STK39: variants seen among roughly 807,000 people sequenced by gnomAD.
STK39 encodes the protein STE20/SPS1-related proline-alanine-rich protein kinase.
Under a neutral mutation model 77.8 loss-of-function variants are expected in STK39, and 20 were observed. The ratio of observed to expected loss-of-function variants is 0.26; its 90% confidence interval spans 0.18 to 0.37. The LOEUF is 0.37. Among genes scored for constraint, STK39 ranks in the 10% least tolerant of loss-of-function variants. The probability of loss-of-function intolerance (pLI) is 1.00; values close to 1 mark genes in which losing one functional copy is unlikely to be tolerated. For synonymous variants in STK39, 246 were observed against 234.1 expected, an observed-to-expected ratio of 1.05 and a Z score of -0.47; for missense variants, 479 against 656.5, an observed-to-expected ratio of 0.73 and a Z score of 2.95.
At chr2:167,968,967 G>A (rs1429822661) in intron 16 of STK39, among the ~76,000 whole-genome samples, 1 of 152,156 alleles carries the variant, frequency 6.6e-6, no homozygotes, top group African/African-American at 2.4e-5. Context: ...CAGTGTATAA[G>A]AACCTGAATT....
chr2:168,182,200 T>G (rs1209169379), intron 1 of STK39, 110 bp from the exon 2 acceptor site: 14 of 732,470 alleles, frequency 1.9e-5, no homozygotes, highest in Non-Finnish European at 2.3e-6. Flanking sequence ...CTCAGCGTAT[T>G]CAGAACATTA....
chr2:168,119,521 C>G (rs183943027), intron 10 of STK39, among the ~76,000 whole-genome samples: 84 of 152,302 alleles, frequency 5.5e-4, no homozygotes, highest in African/African-American at 1.9e-3. Flanking sequence ...GTTAAACCAT[C>G]ACCCTTCAAT....
At chr2:168,143,620 G>A (rs978076002) in intron 5 of STK39, among the ~76,000 whole-genome samples, 74 of 152,198 alleles carry the variant, frequency 4.9e-4, no homozygotes, top group African/African-American at 1.3e-3. Flanking sequence ...AGGCTGAGGC[G>A]GGGGAATCGC....
intron 16 of STK39, among the ~76,000 whole-genome samples, chr2:167,983,453 CAAAAAA>C (rs761596679): frequency 2.2e-5 from 2 of 92,198 alleles, no homozygotes; most frequent in Admixed American, 1.2e-4. Flanking sequence ...AAACTCCATC[CAAAAAA>C]AAAAAAAAAA....
chr2:168,097,337 T>C (rs1393831451), intron 10 of STK39, among the ~76,000 whole-genome samples: 1 of 152,196 alleles, frequency 6.6e-6, no homozygotes, highest in Non-Finnish European at 1.5e-5. Flanking sequence ...CCCACCTCAT[T>C]TAGGTTCTAC....
At chr2:168,006,381 T>C (rs907972019) in intron 16 of STK39, among the ~76,000 whole-genome samples, 1 of 152,232 alleles carries the variant, frequency 6.6e-6, no homozygotes, top group African/African-American at 2.4e-5. Flanking sequence ...TCACAAAGTC[T>C]GGAGAGAACT....
At chr2:168,216,435 T>C (rs1690026250) in intron 1 of STK39, among the ~76,000 whole-genome samples, 1 of 152,230 alleles carries the variant, frequency 6.6e-6, no homozygotes, top group Non-Finnish European at 1.5e-5. Flanking sequence ...TTTCCTAATT[T>C]ACGACTTAGC....
intron 1 of STK39, among the ~76,000 whole-genome samples, chr2:168,236,025 G>A (rs1372464371): frequency 1.2e-4 from 18 of 151,878 alleles, no homozygotes; most frequent in African/African-American, 3.9e-4. Flanking sequence ...CTGAGGAATC[G>A]CCACACTGAC....
chr2:168,198,352 G>A (rs1689527004), intron 1 of STK39, among the ~76,000 whole-genome samples: 1 of 152,022 alleles, frequency 6.6e-6, no homozygotes, highest in Non-Finnish European at 1.5e-5. Flanking sequence ...CCCTAAGACT[G>A]AGCACTTGAA....
chr2:167,981,883 G>T (rs919888052), intron 16 of STK39, among the ~76,000 whole-genome samples: 2 of 152,182 alleles, frequency 1.3e-5, no homozygotes, highest in African/African-American at 4.8e-5. Flanking sequence ...CTCCTTGAAA[G>T]ACAACCTAGA....
At chr2:168,174,832 T>TAAAA (rs397869438) in intron 2 of STK39, among the ~76,000 whole-genome samples, 5 of 112,664 alleles carry the variant, frequency 4.4e-5, no homozygotes, top group East Asian at 4.9e-4. Context: ...CTTCATCTCT[T>TAAAA]AAAAAAAAAA....
At chr2:168,164,009 G>T in intron 3 of STK39, 129 bp from the exon 4 acceptor site, 2 of 1,337,788 alleles carry the variant, frequency 1.5e-6, no homozygotes, top group African/African-American at 1.5e-5. Flanking sequence ...TATTCCCAAG[G>T]CAAACAAACA....
intron 1 of STK39, among the ~76,000 whole-genome samples, chr2:168,217,390 T>C (rs1307396340): frequency 1.3e-5 from 2 of 152,230 alleles, no homozygotes; most frequent in Non-Finnish European, 2.9e-5. Context: ...ACTCTGTTTC[T>C]TTATCGTAAC....
chr2:168,228,900 A>G (rs1241982661), intron 1 of STK39, among the ~76,000 whole-genome samples: 2 of 152,204 alleles, frequency 1.3e-5, no homozygotes, highest in African/African-American at 2.4e-5. Context: ...GGCCAGCCAC[A>G]GGAAGGACAC....
At chr2:168,043,445 C>T (rs961932882) in intron 14 of STK39, among the ~76,000 whole-genome samples, 1 of 152,114 alleles carries the variant, frequency 6.6e-6, no homozygotes, top group African/African-American at 2.4e-5. Flanking sequence ...AAAAGGCAAA[C>T]AAACAACCCC....
At chr2:168,200,823 A>G (rs567935937) in intron 1 of STK39, among the ~76,000 whole-genome samples, 11 of 152,288 alleles carry the variant, frequency 7.2e-5, no homozygotes, top group African/African-American at 2.2e-4. Context: ...AAAGAATTAT[A>G]TGGTCTTTAG....
rs143275535 is a variant in STK39 at position 168,202,049 on chromosome 2, C to T, written c.209-19959G>A. 4.5e-3 allele frequency among the ~76,000 whole-genome samples: 688 copies of T among 152,298 alleles called. 13 individuals carry two copies. The highest frequency in any genetic ancestry group is 3.7e-3 in the East Asian group (19 of 5,186). ...GGGCTTCCTGAGAAGTTTGGGCCCC[C>T]CGCCCCCGCTACATGCTCACCTGGT... On this transcript the variant is annotated intron_variant, in intron 1 of 17. Coordinates refer to ENST00000355999, the MANE Select transcript of STK39 (RefSeq NM_013233.3).
chr2:168,043,338 A>T (rs1391921009), intron 14 of STK39, among the ~76,000 whole-genome samples: 1 of 152,206 alleles, frequency 6.6e-6, no homozygotes, highest in Non-Finnish European at 1.5e-5. Flanking sequence ...AATAACTAAT[A>T]GAGGCAAGTA....
intron 14 of STK39, among the ~76,000 whole-genome samples, chr2:168,059,087 G>A (rs552947102): frequency 3.7e-4 from 57 of 152,272 alleles, no homozygotes; most frequent in African/African-American, 6.0e-4. Context: ...TGCTTCAAAC[G>A]TTTGCAAGTG....
Sources: allele counts gnomAD v4.1 joint callset (sites outside exome capture counted in the v4.1 genomes callset), GRCh38; gene constraint gnomAD v4.1.1; transcripts MANE v1.5; gene names NCBI Gene and HGNC (gene_info 2026-07-23, HGNC 2026-07-21).